The following REEP5 variants were observed in gnomAD, a reference collection of about 807,000 sequenced individuals.
REEP5 encodes receptor expression-enhancing protein 5.
In REEP5, 24 loss-of-function variants were observed where a neutral mutation model predicts 22.4. The ratio of observed to expected loss-of-function variants is 1.07; its 90% CI spans 0.78 to 1.51. REEP5 has a LOEUF of 1.51. Ranked by LOEUF, REEP5 falls within the 40% of genes most tolerant of loss-of-function variation. REEP5 has a pLI of 0.00. For synonymous variants in REEP5, 103 were observed against 88.6 expected, an observed-to-expected ratio of 1.16 and a Z score of -0.92; for missense variants, 252 against 233.0, an observed-to-expected ratio of 1.08 and a Z score of -0.53.
At chr5:112,897,255 C>T (rs948746494) in intron 3 of REEP5, 1 of 151,792 alleles carries the variant, frequency 6.6e-6, no homozygotes, top group African/African-American at 2.4e-5. Flanking sequence ...TTTATATACA[C>T]AGACCAATAT....
At chr5:112,886,581 T>C (rs1768252367) in intron 4 of REEP5, among the ~76,000 whole-genome samples, 1 of 152,216 alleles carries the variant, frequency 6.6e-6, no homozygotes, top group African/African-American at 2.4e-5. Context: ...TTTGTAAAAT[T>C]ATAGAAATTT....
chr5:112,898,469 A>G (rs1425508205), intron 3 of REEP5: 1 of 152,194 alleles, frequency 6.6e-6, no homozygotes, highest in African/African-American at 2.4e-5. Context: ...GAACTTCAAA[A>G]CCAAATATAA....
chr5:112,883,920 GC>G (rs1768151862), intron 4 of REEP5, among the ~76,000 whole-genome samples: 3 of 149,718 alleles, frequency 2.0e-5, no homozygotes, highest in African/African-American at 7.6e-5. Flanking sequence ...CAATCCATAA[GC>G]CAATCCATAA....
intron 2 of REEP5, among the ~76,000 whole-genome samples, chr5:112,915,482 T>G (rs968382901): frequency 1.3e-4 from 20 of 152,218 alleles, no homozygotes; most frequent in African/African-American, 4.8e-4. Context: ...CACTTTCATC[T>G]TAAAAGAGTC....
chr5:112,899,263 T>G (rs1353818533), intron 3 of REEP5, among the ~76,000 whole-genome samples: 2 of 48,370 alleles, frequency 4.1e-5, no homozygotes, highest in African/African-American at 4.3e-4. Flanking sequence ...TGGTTTTCGG[T>G]TTTTTTTTTT....
intron 3 of REEP5, among the ~76,000 whole-genome samples, chr5:112,901,026 A>C (rs949489787): frequency 6.6e-6 from 1 of 151,948 alleles, no homozygotes; most frequent in Admixed American, 6.6e-5. Flanking sequence ...TTTAGTAGAG[A>C]CAGGGTTTCA....
In REEP5 at chr5:112,916,267, A is replaced by C. The variant is rs183724002; in HGVS notation, c.212+4896T>G. Among the ~76,000 whole-genome samples the C allele has an allele frequency of 3.7e-3, 568 of 152,202 alleles. 2 individuals carry two copies. Among genetic ancestry groups the C allele is most frequent in the Middle Eastern group, 0.01 (3 of 294 alleles). On this transcript the variant is annotated intron_variant, in intron 2 of 4. Transcript: ENST00000379638. ...ATATTTTCATTGTTTTTTTTCTTCAAATTAACCTTCTTGCCATCCCTTTCT... is the reference window on the plus strand; with the variant it reads ...ATATTTTCATTGTTTTTTTTCTTCACATTAACCTTCTTGCCATCCCTTTCT...
At chr5:112,918,072 A>G (rs192101647) in intron 2 of REEP5, among the ~76,000 whole-genome samples, 6 of 152,318 alleles carry the variant, frequency 3.9e-5, no homozygotes, top group African/African-American at 9.6e-5. Flanking sequence ...TATCAGTAAA[A>G]GAGGGAAGTA....
chr5:112,882,537 A>C (rs1768112463), intron 4 of REEP5, among the ~76,000 whole-genome samples: 1 of 152,194 alleles, frequency 6.6e-6, no homozygotes, highest in Admixed American at 6.5e-5. Context: ...GGAGAAAAAC[A>C]TAAACAAGAA....
intron 2 of REEP5, among the ~76,000 whole-genome samples, chr5:112,906,365 A>G (rs1768956193): frequency 6.6e-6 from 1 of 152,246 alleles, no homozygotes; most frequent in Non-Finnish European, 1.5e-5. Context: ...CTAATTAAGA[A>G]AACAGTTCAG....
At chr5:112,892,299 G>T (rs1327061599) in intron 3 of REEP5, 1 of 1,614,102 alleles carries the variant, frequency 6.2e-7, no homozygotes, top group Admixed American at 1.7e-5. Context: ...AGCAGTGCAG[G>T]AGGGATGACT....
chr5:112,891,732 G>A (rs1580737208), intron 3 of REEP5: 1 of 1,614,082 alleles, frequency 6.2e-7, no homozygotes, highest in African/African-American at 1.3e-5. Context: ...TGAAGAAGGA[G>A]AAACGAAAGA....
At chr5:112,919,046 T>C (rs1393894028) in intron 2 of REEP5, among the ~76,000 whole-genome samples, 2 of 152,274 alleles carry the variant, frequency 1.3e-5, no homozygotes, top group Admixed American at 1.3e-4. Context: ...CACATGTGAC[T>C]GGCATTTGAT....
Position 112,887,006 on chromosome 5 carries a change from G to C in REEP5, c.520+9C>G. The C allele has an allele frequency of 6.3e-7, 1 of 1,582,008 alleles. No individual in the cohort carries two copies. The highest frequency in any genetic ancestry group is 8.7e-7 in the Non-Finnish European group (1 of 1,155,530). On this transcript the variant is annotated intron_variant, in intron 4 of 4. Coordinates refer to ENST00000379638, the MANE Select transcript of REEP5 (RefSeq NM_005669.5). ...TCACATGTGGGGCCATCTTGTTCCT[G>C]AGTCTTACCTTCTTTAGTGATGGCA...
At chr5:112,892,857 T>C (rs754062539) in intron 3 of REEP5, 1 of 1,612,538 alleles carries the variant, frequency 6.2e-7, no homozygotes, top group Non-Finnish European at 8.5e-7. Flanking sequence ...AAAAGAGTAG[T>C]CATAGGGGGA....
Position 112,878,760 on chromosome 5 carries a change from G to A in REEP5, c.*26C>T, listed in dbSNP as rs772792172. On this transcript the variant is annotated 3_prime_UTR_variant, in exon 5 of 5. Transcript: ENST00000379638. ...AGCTCCAGTAGGAAGGTACAGAGAG[G>A]GCAGGAAGTTTCCATCCAGTCTGGT... 3.1e-6 allele frequency: 5 copies of A among 1,613,874 alleles called. No individual in the cohort carries two copies. The South Asian group carries it at 3.3e-5, about 11-fold the overall frequency.
At chr5:112,918,298 C>T (rs1047237283) in intron 2 of REEP5, among the ~76,000 whole-genome samples, 5 of 152,154 alleles carry the variant, frequency 3.3e-5, no homozygotes, top group Admixed American at 6.5e-5. Context: ...CCCCAGTGAG[C>T]ACTGGGCAAG....
In REEP5 at chr5:112,921,238, G is replaced by C. The variant is rs1327391635; in HGVS notation, c.137C>G (p.Ala46Gly). 6.2e-7 allele frequency: 1 copy of C among 1,614,150 alleles called. No homozygotes were observed. Among genetic ancestry groups the C allele is most frequent in the Admixed American group, 1.7e-5 (1 of 60,028 alleles). ...TCCATAACCGAACACCAGGTACAAG[G>C]CCACCAGTCCGATGACACCTGGGGA... The part of the protein sequence containing the change: ...FIALGVIGLV[A>G]LYLVFGYGAS... The change falls in exon 2 of 5, where the codon GCC becomes GGC. Residue 46 changes from alanine (A) to glycine (G), a missense_variant. Coordinates refer to ENST00000379638, the MANE Select transcript of REEP5 (RefSeq NM_005669.5).
chr5:112,908,018 A>G (rs1768993383), intron 2 of REEP5, among the ~76,000 whole-genome samples: 1 of 152,120 alleles, frequency 6.6e-6, no homozygotes, highest in East Asian at 1.9e-4. Context: ...ATGAGTATGT[A>G]CTAAAATTGA....
Sources: allele counts gnomAD v4.1 joint callset (sites outside exome capture counted in the v4.1 genomes callset), GRCh38; gene constraint gnomAD v4.1.1; transcripts MANE v1.5; gene names NCBI Gene and HGNC (gene_info 2026-07-23, HGNC 2026-07-21).